DST: variants seen among roughly 807,000 people sequenced by gnomAD.
DST encodes the protein dystonin, also known as bullous pemphigoid antigen.
In DST, 253 loss-of-function variants were observed where a neutral mutation model predicts 875.2. The ratio of observed to expected loss-of-function variants is 0.29; its 90% confidence interval spans 0.26 to 0.32. The LOEUF is 0.32. Ranked by LOEUF, DST falls within the 10% of genes least tolerant of loss-of-function variation. The pLI is 1.00. For synonymous variants in DST, 3,124 were observed against 3,197.1 expected, an observed-to-expected ratio of 0.98 and a Z score of 0.77; for missense variants, 8,287 against 9,111.6, an observed-to-expected ratio of 0.91 and a Z score of 3.68.
chr6:56,556,755 T>C (rs1007485561), intron 59 of DST, among the ~76,000 whole-genome samples: 6 of 152,254 alleles, frequency 3.9e-5, no homozygotes, highest in African/African-American at 1.4e-4. Flanking sequence ...TTTTTTTGGA[T>C]TTTTTTCCCT....
intron 3 of DST, among the ~76,000 whole-genome samples, chr6:56,893,328 T>C (rs922800572): frequency 1.3e-4 from 20 of 152,326 alleles, no homozygotes; most frequent in African/African-American, 3.8e-4. Context: ...GCAAATTCTG[T>C]TAATTCATTC....
chr6:56,486,605 G>C (rs2095577457), intron 87 of DST, among the ~76,000 whole-genome samples: 1 of 152,092 alleles, frequency 6.6e-6, no homozygotes, highest in Non-Finnish European at 1.5e-5. Flanking sequence ...AATGTAATGA[G>C]AAAGAGGGAG....
intron 3 of DST, among the ~76,000 whole-genome samples, chr6:56,887,518 ATCTTTGAAGGGGCTT>A (rs1406838481): frequency 6.6e-6 from 1 of 152,178 alleles, no homozygotes; most frequent in Non-Finnish European, 1.5e-5. Flanking sequence ...AAACTAGACC[ATCTTTGAAGGGGCTT>A]TCTTTTCAGT....
At chr6:56,545,320 A>C (rs900079741) in intron 61 of DST, among the ~76,000 whole-genome samples, 1 of 151,870 alleles carries the variant, frequency 6.6e-6, no homozygotes, top group Admixed American at 6.6e-5. Flanking sequence ...CATTTTCACA[A>C]TGAGAGAAAT....
chr6:56,616,520 G>A, intron 36 of DST: 1 of 1,614,132 alleles, frequency 6.2e-7, no homozygotes, highest in Non-Finnish European at 8.5e-7. Flanking sequence ...AAAGCATTGG[G>A]ACTCTACATC....
chr6:56,584,670 C>G (rs921554236), intron 49 of DST, among the ~76,000 whole-genome samples: 1 of 149,856 alleles, frequency 6.7e-6, no homozygotes, highest in African/African-American at 2.5e-5. Flanking sequence ...CTGTCTTGTG[C>G]CAGTTTTCAA....
intron 3 of DST, among the ~76,000 whole-genome samples, chr6:56,859,409 C>T (rs1769812581): frequency 6.6e-6 from 1 of 151,740 alleles, no homozygotes; most frequent in African/African-American, 2.4e-5. Context: ...CTTTTTTTTG[C>T]AAGTCCACCT....
intron 4 of DST, among the ~76,000 whole-genome samples, chr6:56,774,375 C>A (rs915928913): frequency 6.6e-6 from 1 of 152,146 alleles, no homozygotes; most frequent in Admixed American, 6.6e-5. Context: ...CCCATCCATG[C>A]CCTACCCATA....
At chr6:56,500,482 A>T (rs1057025172) in intron 80 of DST, among the ~76,000 whole-genome samples, 2 of 152,150 alleles carry the variant, frequency 1.3e-5, no homozygotes, top group Non-Finnish European at 2.9e-5. Context: ...ACAACTTTTT[A>T]AAACGTAATA....
At chr6:56,900,787 CCCA>C (rs1041995038) in intron 2 of DST, among the ~76,000 whole-genome samples, 166 bp from the exon 3 acceptor site, 91 of 151,922 alleles carry the variant, frequency 6.0e-4, no homozygotes, top group African/African-American at 2.1e-3. Flanking sequence ...TTAAGTTTTC[CCCA>C]CAAGTGTTCT....
At chr6:56,583,230 T>C (rs1228516779) in intron 49 of DST, among the ~76,000 whole-genome samples, 4 of 152,330 alleles carry the variant, frequency 2.6e-5, no homozygotes, top group South Asian at 4.1e-4. Context: ...AAAGTGTTCC[T>C]ATTTCTCCAC....
rs184736785 is a variant in DST, at chr6:56,766,995, A to G, written c.626-31706T>C. Among the ~76,000 whole-genome samples, 901 of 152,292 alleles carry G rather than the reference A, an allele frequency of 5.9e-3. 3 individuals are homozygous for G. Among genetic ancestry groups the G allele is most frequent in the Non-Finnish European group, 0.011 (749 of 68,020 alleles). On this transcript the variant is annotated intron_variant, in intron 4 of 103. Coordinates refer to ENST00000680361, the MANE Select transcript of DST (RefSeq NM_001374736.1). ...TACTCTTAAATAACACAGTAAGGAAACCTATTTATACCACCACAAGCAGCT... is the reference window on the plus strand; with the variant it reads ...TACTCTTAAATAACACAGTAAGGAAGCCTATTTATACCACCACAAGCAGCT...
chr6:56,645,723 T>C (rs2098938541), intron 15 of DST, 143 bp downstream of exon 15: 2 of 953,010 alleles, frequency 2.1e-6, no homozygotes, highest in Admixed American at 5.1e-5. Context: ...TAGAAGAGTT[T>C]CTAGGTAAGA....
At chr6:56,646,206 T>G (rs368427510) in intron 13 of DST, 24 bp from the exon 14 acceptor site, 8 of 1,306,376 alleles carry the variant, frequency 6.1e-6, no homozygotes, top group Non-Finnish European at 6.3e-6. Context: ...GACAAGAAAT[T>G]AAGGACCAAA....
At chr6:56,580,363 A>G (rs1007751808) in intron 49 of DST, among the ~76,000 whole-genome samples, 1 of 152,020 alleles carries the variant, frequency 6.6e-6, no homozygotes, top group Admixed American at 6.6e-5. Flanking sequence ...CCTGGGTAAT[A>G]AAGTGAGACC....
intron 90 of DST, 22 bp downstream of exon 90, chr6:56,482,028 A>G: frequency 6.2e-7 from 1 of 1,608,508 alleles, no homozygotes; most frequent in Non-Finnish European, 8.5e-7. Flanking sequence ...TTAGCTTTAC[A>G]TAGCATTTAT....
At chr6:56,660,876 CA>C (rs973240941) in intron 10 of DST, among the ~76,000 whole-genome samples, 5 of 151,326 alleles carry the variant, frequency 3.3e-5, no homozygotes, top group African/African-American at 1.2e-4. Context: ...AGGTAGACAG[CA>C]AAGATGAGAA....
chr6:56,477,581 A>T, intron 90 of DST, 93 bp from the exon 91 acceptor site: 1 of 1,503,564 alleles, frequency 6.7e-7, no homozygotes, highest in Non-Finnish European at 9.1e-7. Context: ...TTAAACAAAT[A>T]AACAAAAACT....
intron 37 of DST, among the ~76,000 whole-genome samples, chr6:56,611,934 C>T (rs1012960677): frequency 4.6e-5 from 7 of 152,216 alleles, no homozygotes; most frequent in Non-Finnish European, 8.8e-5. Flanking sequence ...GTCATCCTTG[C>T]GCACTGCAGT....
Sources: gnomAD v4.1 joint callset for allele counts (sites outside exome capture counted in the v4.1 genomes callset) on GRCh38, gnomAD v4.1.1 for gene constraint, MANE v1.5 for transcripts, NCBI Gene and HGNC (gene_info 2026-07-23, HGNC 2026-07-21) for gene names.